Variants in PALLD observed in about 807,000 individuals in gnomAD.
PALLD encodes the protein palladin.
PALLD carries 61 observed loss-of-function variants against 123.5 expected under a neutral mutation model. The observed-to-expected ratio is 0.49, with a 90% CI of 0.40 to 0.61. The LOEUF is 0.61. PALLD is among the 20% of genes least tolerant of loss of function. The probability of loss-of-function intolerance (pLI) is 0.00; values close to 1 mark genes in which losing one functional copy is unlikely to be tolerated. For synonymous variants in PALLD, 465 were observed against 496.4 expected, an observed-to-expected ratio of 0.94 and a Z score of 0.84; for missense variants, 1,273 against 1,377.0, an observed-to-expected ratio of 0.92 and a Z score of 1.20.
chr4:168,678,090 TCA>T (rs1781048515), intron 3 of PALLD: 1 of 152,196 alleles, frequency 6.6e-6, no homozygotes, highest in Admixed American at 6.5e-5. Flanking sequence ...TCTGAGGAAC[TCA>T]CACGCGCGCA....
At position 168,625,502 on chromosome 4, in the gene PALLD, G is replaced by GATATATATATATATATATAT. The variant is rs756984622; in HGVS notation, c.909-42672_909-42671insATATATATATATATATATAT. On this transcript the variant is annotated intron_variant, in intron 2 of 21. Coordinates refer to ENST00000505667, the MANE Select transcript of PALLD (RefSeq NM_001166108.2). Reference sequence around the variant, plus strand: ...TCCAATAAGGGATTAATATCCAGGAGATATATATATATATATCCTATAAGG... The same window carrying GATATATATATATATATATAT: ...TCCAATAAGGGATTAATATCCAGGAGATATATATATATATATATATATATATATATATATATCCTATAAGG... Among the ~76,000 whole-genome samples, 95 of 114,452 alleles carry GATATATATATATATATATAT rather than the reference G, an allele frequency of 8.3e-4. 1 individual carries two copies. Among genetic ancestry groups the GATATATATATATATATATAT allele is most frequent in the Middle Eastern group, 4.3e-3 (1 of 232 alleles). 75.1% of individuals were successfully genotyped at this position (114,452 alleles called of 152,430 possible). A position where few individuals can be genotyped will look rare whatever the true frequency, so the allele number is the denominator to read the frequency against.
chr4:168,512,571 C>T (rs1762619599), intron 2 of PALLD, among the ~76,000 whole-genome samples, 159 bp downstream of exon 2: 1 of 152,066 alleles, frequency 6.6e-6, no homozygotes, highest in Non-Finnish European at 1.5e-5. Flanking sequence ...TATGAGTTGT[C>T]CTAGTTGTCC....
intron 8 of PALLD, among the ~76,000 whole-genome samples, chr4:168,696,461 G>C (rs1393148209): frequency 6.6e-6 from 1 of 151,928 alleles, no homozygotes; most frequent in Non-Finnish European, 1.5e-5. Context: ...CTTATACTCA[G>C]AGCTTAATAA....
intron 2 of PALLD, among the ~76,000 whole-genome samples, chr4:168,572,572 C>A (rs558687406): frequency 1.3e-4 from 19 of 151,982 alleles, no homozygotes; most frequent in Non-Finnish European, 2.4e-4. Context: ...CGTGTCCAAA[C>A]CGAACACTTG....
intron 10 of PALLD, among the ~76,000 whole-genome samples, chr4:168,837,941 C>T (rs936819195): frequency 3.3e-5 from 5 of 152,122 alleles, no homozygotes; most frequent in African/African-American, 1.2e-4. Flanking sequence ...CAGTTATGTG[C>T]TATGTGGTAA....
At chr4:168,544,703 T>C (rs1765971762) in intron 2 of PALLD, among the ~76,000 whole-genome samples, 1 of 152,264 alleles carries the variant, frequency 6.6e-6, no homozygotes, top group African/African-American at 2.4e-5. Context: ...TTACACTTCT[T>C]ATTTCCTAGT....
chr4:168,675,739 G>A (rs144517784), intron 3 of PALLD, among the ~76,000 whole-genome samples: 1 of 152,200 alleles, frequency 6.6e-6, no homozygotes, highest in African/African-American at 2.4e-5. Flanking sequence ...AAGCTAAAAT[G>A]TACGGATAAA....
At chr4:168,709,960 T>C (rs1455797890) in intron 9 of PALLD, among the ~76,000 whole-genome samples, 3 of 152,126 alleles carry the variant, frequency 2.0e-5, no homozygotes, top group African/African-American at 7.2e-5. Flanking sequence ...TGCAGTCACT[T>C]TCTCAGCAGT....
At chr4:168,519,969 CAATA>C (rs767697112) in intron 2 of PALLD, among the ~76,000 whole-genome samples, 29 of 151,878 alleles carry the variant, frequency 1.9e-4, no homozygotes, top group Non-Finnish European at 3.1e-4. Flanking sequence ...TTGCGGAGGA[CAATA>C]AATATTCCCT....
At chr4:168,779,903 ATTCT>A (rs959503482) in intron 10 of PALLD, among the ~76,000 whole-genome samples, 2 of 146,316 alleles carry the variant, frequency 1.4e-5, no homozygotes, top group African/African-American at 5.0e-5. Flanking sequence ...TCTACTATAC[ATTCT>A]TTTTTTTTTT....
intron 10 of PALLD, among the ~76,000 whole-genome samples, chr4:168,836,828 CTA>C (rs1356682152): frequency 2.0e-5 from 3 of 152,180 alleles, no homozygotes; most frequent in Non-Finnish European, 2.9e-5. Flanking sequence ...TTCACTGAAA[CTA>C]TGTCATATTT....
At chr4:168,735,808 T>C (rs1787688081) in intron 10 of PALLD, among the ~76,000 whole-genome samples, 1 of 152,210 alleles carries the variant, frequency 6.6e-6, no homozygotes, top group Non-Finnish European at 1.5e-5. Context: ...AAGTCTGTCT[T>C]CTGAACAAGC....
At chr4:168,745,500 A>C (rs1730167911) in intron 10 of PALLD, among the ~76,000 whole-genome samples, 1 of 151,980 alleles carries the variant, frequency 6.6e-6, no homozygotes, top group Non-Finnish European at 1.5e-5. Context: ...TTCAACTGGA[A>C]TAGTTAGGGA....
chr4:168,868,183 T>C (rs1454308873), intron 10 of PALLD, among the ~76,000 whole-genome samples: 3 of 152,156 alleles, frequency 2.0e-5, no homozygotes, highest in Non-Finnish European at 4.4e-5. Context: ...TGACCTGGAT[T>C]ATATACTTAT....
At chr4:168,547,207 C>G (rs533809569) in intron 2 of PALLD, among the ~76,000 whole-genome samples, 1 of 152,156 alleles carries the variant, frequency 6.6e-6, no homozygotes, top group Non-Finnish European at 1.5e-5. Context: ...CGCCTACTAA[C>G]TGGGTGTGTG....
At chr4:168,503,219 G>T (rs898344429) in intron 1 of PALLD, among the ~76,000 whole-genome samples, 3 of 152,222 alleles carry the variant, frequency 2.0e-5, no homozygotes, top group Non-Finnish European at 2.9e-5. Context: ...AATTTAATAT[G>T]ATGACTGCTG....
At position 168,781,753 on chromosome 4, in the gene PALLD, A is replaced by T. The variant is rs185335833; in HGVS notation, c.1964+69830A>T. On this transcript the variant is annotated intron_variant, in intron 10 of 21. Transcript: ENST00000505667. ...TATAGAAATGAGGGACAAGACAGGCAATTCAGAACACAGCTCACAGAAGCC... is the reference window on the plus strand; with the variant it reads ...TATAGAAATGAGGGACAAGACAGGCTATTCAGAACACAGCTCACAGAAGCC... Among the ~76,000 whole-genome samples the T allele has an allele frequency of 3.1e-3, 472 of 152,306 alleles. 1 individual carries two copies. Among genetic ancestry groups the T allele is most frequent in the Non-Finnish European group, 5.3e-3 (361 of 68,020 alleles).
chr4:168,875,912 T>C (rs1751686045), intron 10 of PALLD, among the ~76,000 whole-genome samples: 1 of 152,228 alleles, frequency 6.6e-6, no homozygotes, highest in Non-Finnish European at 1.5e-5. Context: ...GAGCGTGATA[T>C]GATGTCTGTA....
At chr4:168,524,613 A>G (rs1457728565) in intron 2 of PALLD, among the ~76,000 whole-genome samples, 1 of 152,272 alleles carries the variant, frequency 6.6e-6, no homozygotes, top group African/African-American at 2.4e-5. Flanking sequence ...TTTAACTGCT[A>G]TACTCTACTG....
Sources: allele counts gnomAD v4.1 joint callset (sites outside exome capture counted in the v4.1 genomes callset), GRCh38; gene constraint gnomAD v4.1.1; transcripts MANE v1.5; gene names NCBI Gene and HGNC (gene_info 2026-07-23, HGNC 2026-07-21).